MED12L: variants seen among roughly 807,000 people sequenced by gnomAD.
MED12L encodes the protein mediator of RNA polymerase II transcription subunit 12-like protein.
Under a neutral mutation model 281.3 loss-of-function variants are expected in MED12L, and 60 were observed. The observed-to-expected ratio is 0.21, with a 90% CI of 0.17 to 0.26. The LOEUF (loss-of-function observed/expected upper bound fraction) is 0.26, where lower values mean the gene tolerates loss of function less well. Ranked by LOEUF, MED12L falls within the 10% of genes least tolerant of loss-of-function variation. The pLI is 1.00. For missense variants in MED12L, 2,146 were observed against 2,680.9 expected, an observed-to-expected ratio of 0.80 and a Z score of 4.41; for synonymous variants, 974 against 987.2, an observed-to-expected ratio of 0.99 and a Z score of 0.25.
At chr3:151,192,775 A>G (rs1724157246) in intron 15 of MED12L, 121 bp downstream of exon 15, 1 of 703,574 alleles carries the variant, frequency 1.4e-6, no homozygotes, top group East Asian at 2.7e-5. Context: ...ATCTTGCCAT[A>G]TTCTTCCTTT....
intron 42 of MED12L, among the ~76,000 whole-genome samples, chr3:151,415,502 C>G (rs933073286): frequency 6.6e-6 from 1 of 152,180 alleles, no homozygotes; most frequent in Non-Finnish European, 1.5e-5. Flanking sequence ...GTGAGACATG[C>G]CATATGGCAA....
chr3:151,261,235 G>A (rs1370662140), intron 16 of MED12L, among the ~76,000 whole-genome samples: 1 of 151,952 alleles, frequency 6.6e-6, no homozygotes, highest in East Asian at 1.9e-4. Context: ...AACGAATGAT[G>A]GAGAGACCAA....
intron 4 of MED12L, among the ~76,000 whole-genome samples, chr3:151,124,931 A>G (rs1395845406): frequency 2.0e-5 from 3 of 152,158 alleles, no homozygotes; most frequent in Admixed American, 2.0e-4. Flanking sequence ...TTTTGCCTTT[A>G]CCCTTGCTTA....
intron 11 of MED12L, among the ~76,000 whole-genome samples, chr3:151,170,310 C>G (rs1466775879): frequency 1.4e-5 from 2 of 143,588 alleles, no homozygotes; most frequent in African/African-American, 5.2e-5. Flanking sequence ...GAGTCTTGCT[C>G]TGTCACCTAG....
intron 16 of MED12L, chr3:151,337,974 G>T: frequency 1.2e-6 from 2 of 1,614,114 alleles, no homozygotes; most frequent in Non-Finnish European, 1.7e-6. Context: ...ATCCAGGCAT[G>T]CATTTAAGGA....
chr3:151,241,001 G>T (rs910439882), intron 16 of MED12L, among the ~76,000 whole-genome samples: 2 of 152,146 alleles, frequency 1.3e-5, no homozygotes, highest in African/African-American at 4.8e-5. Flanking sequence ...AGTGTCTCCT[G>T]GTTGCCAAAA....
intron 16 of MED12L, among the ~76,000 whole-genome samples, chr3:151,196,006 G>C (rs1050683378): frequency 6.6e-6 from 1 of 152,216 alleles, no homozygotes; most frequent in South Asian, 2.1e-4. Flanking sequence ...TGGGTAAACA[G>C]AGCTTTGCAT....
At chr3:151,248,164 T>G (rs1736114862) in intron 16 of MED12L, among the ~76,000 whole-genome samples, 1 of 151,990 alleles carries the variant, frequency 6.6e-6, no homozygotes, top group African/African-American at 2.4e-5. Context: ...TATTTAAATG[T>G]TTAACGCTCA....
chr3:151,332,978 C>T (rs764207824), intron 16 of MED12L, among the ~76,000 whole-genome samples: 17 of 152,138 alleles, frequency 1.1e-4, no homozygotes, highest in African/African-American at 3.9e-4. Flanking sequence ...CTCCCACTAA[C>T]AAGTGACAAC....
chr3:151,268,511 A>G (rs1740264028), intron 16 of MED12L, among the ~76,000 whole-genome samples: 1 of 152,228 alleles, frequency 6.6e-6, no homozygotes, highest in Non-Finnish European at 1.5e-5. Context: ...TGAGTTCTAA[A>G]TGGAAGCTTC....
chr3:151,308,957 C>T (rs1403748781), intron 16 of MED12L, among the ~76,000 whole-genome samples: 1 of 152,138 alleles, frequency 6.6e-6, no homozygotes, highest in Non-Finnish European at 1.5e-5. Flanking sequence ...TTAAAATTCT[C>T]AAGTGAAGTC....
intron 16 of MED12L, among the ~76,000 whole-genome samples, chr3:151,282,105 G>T (rs1353812264): frequency 2.6e-5 from 4 of 152,048 alleles, no homozygotes; most frequent in African/African-American, 9.7e-5. Context: ...CCCTTCCCCT[G>T]CCTTTCCCTG....
At chr3:151,295,151 T>C in intron 16 of MED12L, 1 of 1,613,534 alleles carries the variant, frequency 6.2e-7, no homozygotes. Context: ...GGTGGTGTTC[T>C]TTCCTGGCCC....
chr3:151,190,651 C>T (rs1723853899), intron 13 of MED12L, 66 bp from the exon 14 acceptor site: 2 of 1,353,578 alleles, frequency 1.5e-6, no homozygotes, highest in African/African-American at 2.9e-5. Context: ...AAATATTAAG[C>T]CTTAGTAATT....
intron 38 of MED12L, among the ~76,000 whole-genome samples, chr3:151,392,336 G>A (rs1714349548): frequency 6.6e-6 from 1 of 151,534 alleles, no homozygotes; most frequent in South Asian, 2.1e-4. Flanking sequence ...CAGGCATGGT[G>A]GTGCCTGAAA....
chr3:151,092,038 C>T (rs1380749475), intron 2 of MED12L, among the ~76,000 whole-genome samples: 98 of 152,200 alleles, frequency 6.4e-4, no homozygotes, highest in Non-Finnish European at 1.2e-4. Context: ...TGTACTTAAC[C>T]ATAACAGCCA....
intron 32 of MED12L, 58 bp from the exon 33 acceptor site, chr3:151,382,598 T>G: frequency 7.8e-7 from 1 of 1,284,638 alleles, no homozygotes. Flanking sequence ...AAAGCTCAAT[T>G]TATCTTTAAA....
chr3:151,097,407 GCA>G (rs1720856283), intron 2 of MED12L, among the ~76,000 whole-genome samples: 1 of 152,156 alleles, frequency 6.6e-6, no homozygotes, highest in South Asian at 2.1e-4. Flanking sequence ...AAATGACTGA[GCA>G]CCTTGTAGGC....
intron 16 of MED12L, among the ~76,000 whole-genome samples, chr3:151,330,547 T>A (rs911639388): frequency 1.3e-5 from 2 of 152,168 alleles, no homozygotes; most frequent in Non-Finnish European, 2.9e-5. Context: ...TAGGAGATCT[T>A]ACGGAGGATG....
Sources: allele counts gnomAD v4.1 joint callset (sites outside exome capture counted in the v4.1 genomes callset), GRCh38; gene constraint gnomAD v4.1.1; transcripts MANE v1.5; gene names NCBI Gene and HGNC (gene_info 2026-07-23, HGNC 2026-07-21).